MIPEP: variants seen among roughly 807,000 people sequenced by gnomAD.
MIPEP encodes the protein mitochondrial intermediate peptidase.
Under a neutral mutation model 90.3 loss-of-function variants are expected in MIPEP, and 79 were observed. The observed-to-expected ratio is 0.87, with a 90% CI of 0.73 to 1.05. MIPEP has a LOEUF of 1.05. Ranked by LOEUF, MIPEP falls within the 50% of genes least tolerant of loss-of-function variation. The pLI is 0.00. For missense variants in MIPEP, 940 were observed against 905.6 expected (o/e 1.04, Z -0.49); for synonymous variants, 334 against 315.8 (o/e 1.06, Z -0.61).
intron 16 of MIPEP, among the ~76,000 whole-genome samples, chr13:23,791,598 T>G (rs566732131): frequency 6.6e-6 from 1 of 152,250 alleles, no homozygotes; most frequent in Admixed American, 6.5e-5. Context: ...AAAAATCCCT[T>G]CCCCTTGTCT....
At chr13:23,813,271 C>G (rs926124690) in intron 14 of MIPEP, among the ~76,000 whole-genome samples, 4 of 152,094 alleles carry the variant, frequency 2.6e-5, no homozygotes, top group African/African-American at 7.2e-5. Flanking sequence ...CTTTGCCAAT[C>G]GCGGCCATGA....
intron 18 of MIPEP, among the ~76,000 whole-genome samples, chr13:23,744,682 C>G (rs1952365584): frequency 6.6e-6 from 1 of 152,154 alleles, no homozygotes; most frequent in African/African-American, 2.4e-5. Context: ...TAACAATGAA[C>G]AATAAAATAA....
intron 10 of MIPEP, among the ~76,000 whole-genome samples, chr13:23,850,958 T>C (rs927929634): frequency 1.3e-5 from 2 of 152,218 alleles, no homozygotes; most frequent in African/African-American, 4.8e-5. Context: ...AAGGAACAAG[T>C]GGCAGCAGCA....
At chr13:23,821,752 C>T (rs1465761465) in intron 14 of MIPEP, among the ~76,000 whole-genome samples, 1 of 152,214 alleles carries the variant, frequency 6.6e-6, no homozygotes, top group Non-Finnish European at 1.5e-5. Context: ...AACCTAGATG[C>T]ATATCCTCTT....
intron 14 of MIPEP, among the ~76,000 whole-genome samples, chr13:23,824,346 G>A (rs1030196464): frequency 6.6e-6 from 1 of 152,174 alleles, no homozygotes; most frequent in Non-Finnish European, 1.5e-5. Context: ...AAAATGTACT[G>A]TGGTGAGAAG....
intron 16 of MIPEP, among the ~76,000 whole-genome samples, chr13:23,796,328 A>G (rs561648527): frequency 6.6e-6 from 1 of 152,284 alleles, no homozygotes; most frequent in Admixed American, 6.5e-5. Context: ...GAGGCATGAG[A>G]ATTGCTTGAA....
At chr13:23,870,317 T>TGTTA in intron 5 of MIPEP, 122 bp from the exon 6 acceptor site, 1 of 455,108 alleles carries the variant, frequency 2.2e-6, no homozygotes, top group Non-Finnish European at 3.5e-6. Context: ...CTTAATAAAA[T>TGTTA]ATTAGTTTAG....
chr13:23,839,309 A>G (rs1869193110), intron 12 of MIPEP, among the ~76,000 whole-genome samples: 1 of 152,190 alleles, frequency 6.6e-6, no homozygotes, highest in South Asian at 2.1e-4. Flanking sequence ...TCATAATGTG[A>G]GTAACTAGTC....
In MIPEP at chr13:23,807,178, G is replaced by A. The variant is rs558470793; in HGVS notation, c.1729-1109C>T. Among the ~76,000 whole-genome samples, 40 of 152,324 alleles carry A rather than the reference G, an allele frequency of 2.6e-4. No individual in the cohort carries two copies. In the South Asian group the frequency reaches 5.8e-3, roughly 22 times the overall value. On this transcript the variant is annotated intron_variant, in intron 15 of 18. Transcript: ENST00000382172. The stretch of plus-strand genomic sequence containing the variant: ...AAAGCATTAAAGAAAGTTTGGACAT[G>A]AAATCTGCTGTTTACAAAGTACTGA...
rs115309858 is a variant in MIPEP, at chr13:23,806,024, G to A, written c.1774C>T (p.Leu592=). Residue 592 remains leucine, a synonymous_variant, in exon 16 of 19, where the codon CTG becomes TTG. Coordinates refer to ENST00000382172, the MANE Select transcript of MIPEP (RefSeq NM_005932.4). Reference sequence around the variant, plus strand: ...AGAATGTCTGTGGTTGAATTCCTCAGGGGATGCTTCCCATGGTAGATTTGA... The same window carrying A: ...AGAATGTCTGTGGTTGAATTCCTCAAGGGATGCTTCCCATGGTAGATTTGA... ...LDQIYHGKHP[L]RNSTTDILKE... 2,620 of 1,613,760 alleles carry A rather than the reference G, an allele frequency of 1.6e-3. 30 individuals carry two copies. The African/African-American group carries it at 0.029, about 18-fold the overall frequency.
intron 1 of MIPEP, 21 bp downstream of exon 1, chr13:23,889,111 A>C: frequency 7.2e-7 from 1 of 1,391,590 alleles, no homozygotes; most frequent in Non-Finnish European, 9.3e-7. Flanking sequence ...GACTGAGGGG[A>C]GCTCCTCCTG....
chr13:23,819,441 T>A (rs1397615171), intron 14 of MIPEP, among the ~76,000 whole-genome samples: 1 of 152,186 alleles, frequency 6.6e-6, no homozygotes, highest in Non-Finnish European at 1.5e-5. Context: ...TAAAGCCCAC[T>A]CTTCTGCTAT....
intron 4 of MIPEP, among the ~76,000 whole-genome samples, chr13:23,876,010 C>T (rs2137528391): frequency 1.3e-5 from 2 of 152,270 alleles, no homozygotes; most frequent in South Asian, 4.1e-4. Context: ...AATGTTTTTA[C>T]TCTCCCACTC....
At position 23,806,716 on chromosome 13, in the gene MIPEP, ATATCTATCTATCTATCTATC is replaced by A. The variant is rs10675933; in HGVS notation, c.1729-667_1729-648del. On this transcript the variant is annotated intron_variant, in intron 15 of 18. Coordinates refer to ENST00000382172, the MANE Select transcript of MIPEP (RefSeq NM_005932.4). Reference sequence around the variant, plus strand: ...AACAACAACAACAACAAAAAAATCTATATCTATCTATCTATCTATCTATCTATCTATCTATCTATCTATCT... The same window carrying A: ...AACAACAACAACAACAAAAAAATCTATATCTATCTATCTATCTATCTATCT... Among the ~76,000 whole-genome samples, 976 of 147,250 alleles carry A rather than the reference ATATCTATCTATCTATCTATC, an allele frequency of 6.6e-3. 16 individuals are homozygous for A. Among genetic ancestry groups the A allele is most frequent in the African/African-American group, 0.022 (870 of 39,994 alleles).
chr13:23,821,900 T>C (rs1953310106), intron 14 of MIPEP, among the ~76,000 whole-genome samples: 1 of 152,222 alleles, frequency 6.6e-6, no homozygotes, highest in African/African-American at 2.4e-5. Flanking sequence ...CCAAGTATTT[T>C]TGACCCATGG....
chr13:23,749,583 C>T (rs73453373), intron 18 of MIPEP, among the ~76,000 whole-genome samples: 2,717 of 152,288 alleles, frequency 0.018, 97 homozygotes, highest in African/African-American at 0.063. Context: ...CAGAGTCCTT[C>T]GCAGTCACTC....
rs577515187 is a variant in MIPEP at position 23,845,922 on chromosome 13, AT to A, written c.1107-4435del. ...TCTGGTGGTTTCTCTATTGTTTTTAATTTTTTTTTTTTTTGAGACGGAGTCA... is the reference window on the plus strand; with the variant it reads ...TCTGGTGGTTTCTCTATTGTTTTTAATTTTTTTTTTTTTGAGACGGAGTCA... On this transcript the variant is annotated intron_variant, in intron 10 of 18. Transcript: ENST00000382172. 5.4e-3 allele frequency among the ~76,000 whole-genome samples: 732 copies of A among 136,772 alleles called. 6 individuals carry two copies. Among genetic ancestry groups the A allele is most frequent in the African/African-American group, 0.015 (571 of 37,482 alleles). 89.7% of individuals were successfully genotyped at this position (136,772 alleles called of 152,430 possible). A position where few individuals can be genotyped will look rare whatever the true frequency, so the allele number is the denominator to read the frequency against.
intron 18 of MIPEP, among the ~76,000 whole-genome samples, chr13:23,747,151 G>A (rs1952392145): frequency 6.6e-6 from 1 of 152,172 alleles, no homozygotes; most frequent in East Asian, 1.9e-4. Flanking sequence ...TTCCATACAT[G>A]GGAAGTGGAG....
chr13:23,824,886 T>C (rs1397538499), intron 14 of MIPEP, among the ~76,000 whole-genome samples: 1 of 152,164 alleles, frequency 6.6e-6, no homozygotes, highest in Admixed American at 6.5e-5. Flanking sequence ...CCACCGATGG[T>C]TTAAAGAAAC....
Sources: gnomAD v4.1 joint callset for allele counts (sites outside exome capture counted in the v4.1 genomes callset) on GRCh38, gnomAD v4.1.1 for gene constraint, MANE v1.5 for transcripts, NCBI Gene and HGNC (gene_info 2026-07-23, HGNC 2026-07-21) for gene names.